CD302: variants seen among roughly 807,000 people sequenced by gnomAD.
CD302 encodes the protein CD302 antigen.
CD302 carries 23 observed loss-of-function variants against 26.5 expected under a neutral mutation model. That is an observed-to-expected ratio of 0.87 (90% CI 0.62 to 1.23). CD302 has a LOEUF of 1.23. Ranked by LOEUF, CD302 falls within the 50% of genes most tolerant of loss-of-function variation. The pLI, the probability that CD302 is intolerant of heterozygous loss-of-function variation, is 0.00. For missense variants in CD302, 290 were observed against 275.5 expected (o/e 1.05, Z -0.37); for synonymous variants, 90 against 99.4 (o/e 0.91, Z 0.56).
Position 159,783,378 on chromosome 2 carries a change from T to G in CD302, c.159A>C (p.Arg53Ser), listed in dbSNP as rs759774807. 6.2e-7 allele frequency: 1 copy of G among 1,607,290 alleles called. No homozygotes were observed. Among genetic ancestry groups the G allele is most frequent in the South Asian group, 1.1e-5 (1 of 89,354 alleles). The change falls in exon 2 of 6, where the codon AGA becomes AGC. Residue 53 changes from arginine to serine, a missense_variant. Coordinates refer to ENST00000259053, the MANE Select transcript of CD302 (RefSeq NM_014880.5). ...AIKVESIEDV[R>S]NQCTDHGADM... is the part of the protein sequence containing the mutation. ...TTTTACCATGGTCAGTACACTGATT[T>G]CTGACATCCTCTATGCTTTCTACTT...
At chr2:159,780,240 G>C (rs1708466634) in intron 3 of CD302, 62 bp from the exon 4 acceptor site, 4 of 1,567,496 alleles carry the variant, frequency 2.6e-6, no homozygotes, top group Non-Finnish European at 3.5e-6. Context: ...AGCCAAAAAG[G>C]GTGTAGGATT....
At chr2:159,777,874 A>G (rs567748438) in intron 5 of CD302, 64 bp downstream of exon 5, 29 of 827,124 alleles carry the variant, frequency 3.5e-5, no homozygotes, top group South Asian at 3.0e-4. Context: ...ATGTATTTTA[A>G]TATGCCAGAA....
intron 2 of CD302, chr2:159,781,655 C>G (rs969222739): frequency 1.3e-5 from 2 of 151,156 alleles, no homozygotes; most frequent in Non-Finnish European, 3.0e-5. Context: ...AAAATAGTTG[C>G]AGGGGAAAAC....
At chr2:159,791,608 A>G (rs1225242547) in intron 1 of CD302, among the ~76,000 whole-genome samples, 11 of 152,224 alleles carry the variant, frequency 7.2e-5, no homozygotes. Context: ...ACTACTCTCA[A>G]TAATAACTAT....
At chr2:159,773,542 C>T (rs1053490204) in intron 5 of CD302, among the ~76,000 whole-genome samples, 1 of 152,056 alleles carries the variant, frequency 6.6e-6, no homozygotes, top group Non-Finnish European at 1.5e-5. Context: ...TTTAAAAGAC[C>T]GGGTATCCTA....
At chr2:159,784,308 C>A (rs1337794299) in intron 1 of CD302, among the ~76,000 whole-genome samples, 1 of 133,596 alleles carries the variant, frequency 7.5e-6, no homozygotes, top group Non-Finnish European at 1.6e-5. Flanking sequence ...GTGATTTCAT[C>A]TATATAAATA....
At position 159,798,153 on chromosome 2, in the gene CD302, G is replaced by A. The variant is rs1327264575; in HGVS notation, c.46C>T (p.Leu16Phe). ...TTACCCGCGACGGCAGCAGCGGCGAGGCCCAGCAACGGCAGCAGGAGCGCG... is the reference window on the plus strand; with the variant it reads ...TTACCCGCGACGGCAGCAGCGGCGAAGCCCAGCAACGGCAGCAGGAGCGCG... ...LPALLLPLLG[L>F]AAAAVADCPS... The change falls in exon 1 of 6, where the codon CTC (leucine) becomes TTC (phenylalanine). Residue 16 changes from leucine (L) to phenylalanine (F), a missense_variant. Leu to Phe is a conservative substitution (Grantham distance 22). Transcript: ENST00000259053. 19 of 1,485,020 alleles carry A rather than the reference G, an allele frequency of 1.3e-5. No individual in the cohort carries two copies. The highest frequency in any genetic ancestry group is 1.7e-5 in the Non-Finnish European group (19 of 1,123,418). The allele number at this position is 1,485,020 out of a possible 1,614,324, so 92.0% of individuals were successfully genotyped here. A position where few individuals can be genotyped will look rare whatever the true frequency, so the allele number is the denominator to read the frequency against.
chr2:159,778,332 A>G (rs748272814), intron 4 of CD302, among the ~76,000 whole-genome samples: 1 of 152,204 alleles, frequency 6.6e-6, no homozygotes, highest in East Asian at 1.9e-4. Flanking sequence ...GTATGGATGT[A>G]CTCACTATTT....
chr2:159,776,949 T>G (rs988919182), intron 5 of CD302, among the ~76,000 whole-genome samples: 5 of 152,138 alleles, frequency 3.3e-5, no homozygotes, highest in African/African-American at 1.2e-4. Context: ...ACCAAAAATA[T>G]AGGCAACTCA....
chr2:159,791,263 G>A (rs754755072), intron 1 of CD302, among the ~76,000 whole-genome samples: 3 of 152,222 alleles, frequency 2.0e-5, no homozygotes, highest in Non-Finnish European at 2.9e-5. Flanking sequence ...TAAGAAAACT[G>A]AGGATACTAT....
rs1708053827 is a variant in CD302, at chr2:159,769,203, T to C, written c.*2648A>G. On this transcript the variant is annotated 3_prime_UTR_variant, in exon 6 of 6. Transcript: ENST00000259053. ...TTATTCTGAATATCTGCCAAAGAAT[T>C]ATATTGTTATTACTAGCTAGAACCA... 1 of 152,198 alleles carries C rather than the reference T, an allele frequency of 6.6e-6. No homozygotes were observed. The highest frequency in any genetic ancestry group is 1.5e-5 in the Non-Finnish European group (1 of 68,042). 9.4% of individuals were successfully genotyped at this position (152,198 alleles called of 1,614,324 possible).
In CD302 at chr2:159,769,733, G is replaced by A. The variant is rs1343630005; in HGVS notation, c.*2118C>T. 1 of 152,140 alleles carries A rather than the reference G, an allele frequency of 6.6e-6. No homozygotes were observed. Among genetic ancestry groups the A allele is most frequent in the African/African-American group, 2.4e-5 (1 of 41,436 alleles). 9.4% of individuals were successfully genotyped at this position (152,140 alleles called of 1,614,324 possible). ...ATTGAAAATTAAATCAGAGTTTAAA[G>A]CAGCTATTTTGGAAGAGCTGCCATT... On this transcript the variant is annotated 3_prime_UTR_variant, in exon 6 of 6. Transcript: ENST00000259053.
chr2:159,772,652 G>A (rs1036222765), intron 5 of CD302, among the ~76,000 whole-genome samples: 4 of 151,756 alleles, frequency 2.6e-5, no homozygotes, highest in South Asian at 4.2e-4. Context: ...AAATAACCTG[G>A]TTTAGGAGAA....
chr2:159,772,474 GAA>G (rs1310203391), intron 5 of CD302, among the ~76,000 whole-genome samples: 1 of 152,032 alleles, frequency 6.6e-6, no homozygotes, highest in Non-Finnish European at 1.5e-5. Context: ...TTGTTTAACT[GAA>G]AAAAACACCA....
In CD302 at chr2:159,783,394, C is replaced by G. The variant is rs746256789; in HGVS notation, c.143G>C (p.Ser48Thr). The G allele has an allele frequency of 6.3e-5, 102 of 1,611,646 alleles. No homozygotes were observed. The highest frequency in any genetic ancestry group is 8.0e-5 in the Non-Finnish European group (94 of 1,179,436). The change falls in exon 2 of 6, where the codon AGC becomes ACC. Residue 48 changes from serine (S) to threonine (T), a missense_variant. Ser to Thr is a moderately conservative substitution (Grantham distance 58). Coordinates refer to ENST00000259053, the MANE Select transcript of CD302 (RefSeq NM_014880.5). ...ACACTGATTTCTGACATCCTCTATG[C>G]TTTCTACTTTGATGGCTTCTTGGAG... ...IFLQEAIKVE[S>T]IEDVRNQCTD...
At chr2:159,773,481 T>G (rs934306291) in intron 5 of CD302, among the ~76,000 whole-genome samples, 27 of 152,202 alleles carry the variant, frequency 1.8e-4, no homozygotes, top group Non-Finnish European at 1.9e-4. Flanking sequence ...TATAGAAAAG[T>G]CTGAAAGATC....
At chr2:159,783,257 C>T in intron 2 of CD302, 102 bp downstream of exon 2, 2 of 893,826 alleles carry the variant, frequency 2.2e-6, no homozygotes, top group Non-Finnish European at 1.6e-6. Flanking sequence ...AATCTCAGGA[C>T]CCAGTTAAAA....
chr2:159,797,818 C>G (rs1682505268), intron 1 of CD302, among the ~76,000 whole-genome samples: 1 of 152,200 alleles, frequency 6.6e-6, no homozygotes, highest in South Asian at 2.1e-4. Flanking sequence ...CTCCAAGTCC[C>G]TCAGTTCTCC....
chr2:159,783,231 TA>T, intron 2 of CD302, 127 bp downstream of exon 2: 1 of 692,778 alleles, frequency 1.4e-6, no homozygotes, highest in African/African-American at 1.8e-5. Flanking sequence ...TGTTGTCAAA[TA>T]AAAGTTGTAC....
Sources: allele counts gnomAD v4.1 joint callset (sites outside exome capture counted in the v4.1 genomes callset), GRCh38; gene constraint gnomAD v4.1.1; transcripts MANE v1.5; gene names NCBI Gene and HGNC (gene_info 2026-07-23, HGNC 2026-07-21).